Variants in OR11A1 observed in about 807,000 individuals in gnomAD.
The protein encoded by OR11A1 is olfactory receptor family 11 subfamily A member 1, also known as olfactory receptor 11A1.
For missense variants in OR11A1, 380 were observed against 378.2 expected, an observed-to-expected ratio of 1.00 and a Z score of -0.04; for synonymous variants, 158 against 152.2, an observed-to-expected ratio of 1.04 and a Z score of -0.28.
intron 4 of OR11A1, among the ~76,000 whole-genome samples, chr6:29,428,024 A>G (rs942727117): frequency 6.6e-6 from 1 of 152,170 alleles, no homozygotes; most frequent in Admixed American, 6.5e-5. Flanking sequence ...GTGCACCAGT[A>G]TAATATTCTC....
chr6:29,449,144 A>C (rs1206008085), intron 1 of OR11A1, among the ~76,000 whole-genome samples: 1 of 152,186 alleles, frequency 6.6e-6, no homozygotes, highest in Non-Finnish European at 1.5e-5. Flanking sequence ...ACTTGTCCAA[A>C]CACATAGAAT....
chr6:29,454,558 T>A (rs1785819886), intron 1 of OR11A1, among the ~76,000 whole-genome samples: 1 of 152,148 alleles, frequency 6.6e-6, no homozygotes, highest in Admixed American at 6.5e-5. Flanking sequence ...ATTTGGCAGG[T>A]TTTTTATAAA....
In OR11A1 at chr6:29,426,309, A is replaced by G. The variant is rs556605096; in HGVS notation, c.*385T>C. 85 of 181,734 alleles carry G rather than the reference A, an allele frequency of 4.7e-4. No homozygotes were observed. The highest frequency in any genetic ancestry group is 1.9e-3 in the African/African-American group (81 of 42,788). The allele number at this position is 181,734 out of a possible 1,614,324, so 11.3% of individuals were successfully genotyped here. On this transcript the variant is annotated 3_prime_UTR_variant, in exon 5 of 5. Coordinates refer to ENST00000377149, the MANE Select transcript of OR11A1 (RefSeq NM_001394828.1). ...AATCAAATACCGTATGTCTTCACTC[A>G]TAAGTGGGAGCTAAATTATGAAAAC...
At chr6:29,441,146 C>T (rs550411925) in intron 1 of OR11A1, among the ~76,000 whole-genome samples, 2 of 152,274 alleles carry the variant, frequency 1.3e-5, no homozygotes, top group South Asian at 2.1e-4. Context: ...TATTCTATTC[C>T]GCTTTCTGTT....
intron 1 of OR11A1, among the ~76,000 whole-genome samples, chr6:29,448,654 C>A (rs1057440607): frequency 2.0e-5 from 3 of 152,206 alleles, no homozygotes; most frequent in African/African-American, 7.2e-5. Context: ...GTCCATTCTG[C>A]ATGCCACTCA....
intron 1 of OR11A1, among the ~76,000 whole-genome samples, chr6:29,438,834 T>C (rs1385247796): frequency 6.6e-6 from 1 of 151,348 alleles, no homozygotes; most frequent in Non-Finnish European, 1.5e-5. Context: ...AAAAAGAAGA[T>C]AAGCAAGTCA....
intron 1 of OR11A1, among the ~76,000 whole-genome samples, chr6:29,456,434 C>A (rs1399311599): frequency 1.4e-5 from 2 of 147,224 alleles, no homozygotes; most frequent in Non-Finnish European, 3.0e-5. Context: ...GGCGTGAACC[C>A]GGAAGGCAGA....
chr6:29,444,107 G>T (rs61035434), intron 1 of OR11A1, among the ~76,000 whole-genome samples: 24 of 152,294 alleles, frequency 1.6e-4, no homozygotes, highest in African/African-American at 4.8e-4. Context: ...CCTGGTGAGA[G>T]ATGATTGAAT....
intron 1 of OR11A1, chr6:29,439,970 T>C (rs1327042011): frequency 2.0e-6 from 3 of 1,502,178 alleles, no homozygotes; most frequent in Non-Finnish European, 2.7e-6. Context: ...GTTGTGATTT[T>C]TCCTTGCCAT....
rs1785655577 is a variant in OR11A1, at chr6:29,453,315, A to C, written c.-389+3672T>G. ...ATTATAAAACCAGAAAAATTGTCAA[A>C]AACAATCATTTCAGGTGTCTGGAAA... is the stretch of plus-strand genomic sequence containing the variant. On this transcript the variant is annotated intron_variant, in intron 1 of 4. Transcript: ENST00000377149. The surrounding 1 kb of genome is among the most constrained non-coding windows in gnomAD (Gnocchi z 4.5). 6.6e-6 allele frequency among the ~76,000 whole-genome samples: 1 copy of C among 152,044 alleles called. No homozygotes were observed. The highest frequency in any genetic ancestry group is 1.5e-5 in the Non-Finnish European group (1 of 67,982).
intron 1 of OR11A1, among the ~76,000 whole-genome samples, chr6:29,443,214 A>C (rs1328159797): frequency 6.6e-6 from 1 of 152,150 alleles, no homozygotes; most frequent in African/African-American, 2.4e-5. Context: ...TTATAGGCGC[A>C]ATCACGAAAT....
chr6:29,439,145 A>C (rs1783883248), intron 1 of OR11A1, among the ~76,000 whole-genome samples: 1 of 152,232 alleles, frequency 6.6e-6, no homozygotes, highest in African/African-American at 2.4e-5. Flanking sequence ...ATGATTTGCA[A>C]CTTTAGATAA....
chr6:29,433,835 A>C (rs1783430049), intron 1 of OR11A1, among the ~76,000 whole-genome samples: 1 of 152,082 alleles, frequency 6.6e-6, no homozygotes, highest in Non-Finnish European at 1.5e-5. Context: ...ATCAACATTT[A>C]TCTCTTATCT....
At chr6:29,447,239 C>T (rs1404423589) in intron 1 of OR11A1, among the ~76,000 whole-genome samples, 1 of 152,132 alleles carries the variant, frequency 6.6e-6, no homozygotes, top group Non-Finnish European at 1.5e-5. Flanking sequence ...TCCTTGACTC[C>T]AAGGGTAAAA....
chr6:29,431,986 A>C lies in OR11A1; in HGVS notation c.-387T>G. ...TCAGCTCCCTCCCTGCTTGAGCTCA[A>C]CCTGAAGTAACGTAGAACATTGATT... On this transcript the variant is annotated splice_region_variant and 5_prime_UTR_variant, in exon 2 of 5. Coordinates refer to ENST00000377149, the MANE Select transcript of OR11A1 (RefSeq NM_001394828.1). The C allele has an allele frequency of 1.0e-6, 1 of 985,320 alleles. No individual in the cohort carries two copies. 61.0% of individuals were successfully genotyped at this position (985,320 alleles called of 1,614,324 possible). A position where few individuals can be genotyped will look rare whatever the true frequency, so the allele number is the denominator to read the frequency against.
At chr6:29,450,833 T>A (rs1785292875) in intron 1 of OR11A1, among the ~76,000 whole-genome samples, 1 of 152,202 alleles carries the variant, frequency 6.6e-6, no homozygotes, top group Admixed American at 6.5e-5. Context: ...AAACTACCCA[T>A]GACATTTTTC....
intron 1 of OR11A1, among the ~76,000 whole-genome samples, chr6:29,448,930 C>G (rs1650973228): frequency 6.6e-6 from 1 of 152,190 alleles, no homozygotes; most frequent in African/African-American, 2.4e-5. Flanking sequence ...TGACCTCTTA[C>G]CTCTCCTTCT....
Position 29,453,272 on chromosome 6 carries a change from C to T in OR11A1, c.-389+3715G>A, listed in dbSNP as rs779954821. ...TAAAGAGGACAGCAAATCCTTCCTT[C>T]CTCCACCTCACAAATAAATTATAAA... On this transcript the variant is annotated intron_variant, in intron 1 of 4. Coordinates refer to ENST00000377149, the MANE Select transcript of OR11A1 (RefSeq NM_001394828.1). The surrounding 1 kb of genome is among the most constrained non-coding windows in gnomAD (Gnocchi z 4.5). 1.3e-5 allele frequency among the ~76,000 whole-genome samples: 2 copies of T among 151,582 alleles called. No individual in the cohort carries two copies. Among genetic ancestry groups the T allele is most frequent in the Non-Finnish European group, 2.9e-5 (2 of 67,884 alleles).
At chr6:29,450,974 T>G (rs1485589866) in intron 1 of OR11A1, among the ~76,000 whole-genome samples, 1 of 152,152 alleles carries the variant, frequency 6.6e-6, no homozygotes, top group Non-Finnish European at 1.5e-5. Flanking sequence ...TACTACAAGG[T>G]TACAGTAACC....
Sources: allele counts gnomAD v4.1 joint callset (sites outside exome capture counted in the v4.1 genomes callset), GRCh38; gene constraint gnomAD v4.1.1; non-coding constraint Gnocchi (gnomAD v3.1); transcripts MANE v1.5; gene names NCBI Gene and HGNC (gene_info 2026-07-23, HGNC 2026-07-21).